FAF1: variants seen among roughly 807,000 people sequenced by gnomAD.
FAF1 encodes the protein FAS-associated factor 1.
In FAF1, 25 loss-of-function variants were observed where a neutral mutation model predicts 92.5. That is an observed-to-expected ratio of 0.27 (90% CI 0.20 to 0.38). The LOEUF (loss-of-function observed/expected upper bound fraction) is 0.38, where lower values mean the gene tolerates loss of function less well. FAF1 is among the 10% of genes least tolerant of loss of function. The probability of loss-of-function intolerance (pLI) is 1.00; values close to 1 mark genes in which losing one functional copy is unlikely to be tolerated. For missense variants in FAF1, 636 were observed against 793.3 expected (o/e 0.80, Z 2.38); for synonymous variants, 234 against 273.2 (o/e 0.86, Z 1.42).
chr1:50,896,420 C>T (rs959260797), intron 1 of FAF1, among the ~76,000 whole-genome samples: 1 of 152,022 alleles, frequency 6.6e-6, no homozygotes, highest in Non-Finnish European at 1.5e-5. Flanking sequence ...AATACATACA[C>T]CTATGTTTTT....
chr1:50,587,116 A>G (rs1651274423), intron 9 of FAF1, among the ~76,000 whole-genome samples: 1 of 152,206 alleles, frequency 6.6e-6, no homozygotes, highest in African/African-American at 2.4e-5. Flanking sequence ...ACTTCTTTCT[A>G]TACTTACCCC....
At position 50,490,541 on chromosome 1, in the gene FAF1, A is replaced by AAATACAGTGGG. The variant is rs67057333; in HGVS notation, c.1653+46_1653+47insCCCACTGTATT. 2 of 1,099,800 alleles carry AAATACAGTGGG rather than the reference A, an allele frequency of 1.8e-6. 1 individual carries two copies. 68.1% of individuals were successfully genotyped at this position (1,099,800 alleles called of 1,614,324 possible). A position where few individuals can be genotyped will look rare whatever the true frequency, so the allele number is the denominator to read the frequency against. ...AAGGTAGGTTAACAGCTTCAGTATC[A>AAATACAGTGGG]AATACAACCCAGCTTTTGAATAACT... On this transcript the variant is annotated intron_variant, in intron 17 of 18. Coordinates refer to ENST00000396153, the MANE Select transcript of FAF1 (RefSeq NM_007051.3).
chr1:50,627,224 T>C (rs751072047), intron 8 of FAF1, among the ~76,000 whole-genome samples: 1 of 152,106 alleles, frequency 6.6e-6, no homozygotes, highest in African/African-American at 2.4e-5. Flanking sequence ...AGGAAGAAGA[T>C]ACTAAGTGAG....
chr1:50,581,437 C>CT (rs1387874987), intron 12 of FAF1, among the ~76,000 whole-genome samples: 2 of 152,188 alleles, frequency 1.3e-5, no homozygotes. Context: ...CAGCTTTCCC[C>CT]TCTACTCCAT....
intron 5 of FAF1, among the ~76,000 whole-genome samples, chr1:50,739,263 T>A (rs953068025): frequency 1.3e-5 from 2 of 152,116 alleles, no homozygotes; most frequent in African/African-American, 2.4e-5. Flanking sequence ...TATATGTGCA[T>A]GTGTACATGT....
At chr1:50,666,850 A>G (rs1391475103) in intron 7 of FAF1, among the ~76,000 whole-genome samples, 1 of 152,184 alleles carries the variant, frequency 6.6e-6, no homozygotes, top group African/African-American at 2.4e-5. Context: ...ACCACACTGC[A>G]CTACAGTCTG....
At chr1:50,605,118 G>T (rs895886936) in intron 8 of FAF1, among the ~76,000 whole-genome samples, 2 of 151,764 alleles carry the variant, frequency 1.3e-5, no homozygotes, top group South Asian at 2.1e-4. Flanking sequence ...AATATAAAAG[G>T]TTTTTTTGTT....
rs141990488 is a variant in FAF1 at position 50,582,183 on chromosome 1, A to G, written c.1113+435T>C. Among the ~76,000 whole-genome samples the G allele has an allele frequency of 2.0e-5, 3 of 152,284 alleles. No homozygotes were observed. In the East Asian group the frequency reaches 5.8e-4, roughly 29 times the overall value. On this transcript the variant is annotated intron_variant, in intron 12 of 18. Transcript: ENST00000396153. ...AGAACTAGTCATTTGCGTAACTGAA[A>G]AGAATACAAATATGTAGCTTGGTCC...
At chr1:50,675,092 T>C (rs952858046) in intron 7 of FAF1, among the ~76,000 whole-genome samples, 3 of 152,182 alleles carry the variant, frequency 2.0e-5, no homozygotes, top group Non-Finnish European at 2.9e-5. Flanking sequence ...GGTTTCGCCA[T>C]GTTGGCCAGG....
At chr1:50,646,905 G>A (rs1654617484) in intron 8 of FAF1, among the ~76,000 whole-genome samples, 1 of 152,168 alleles carries the variant, frequency 6.6e-6, no homozygotes, top group African/African-American at 2.4e-5. Context: ...GAGTACAGTG[G>A]CATGCTCTTG....
intron 6 of FAF1, among the ~76,000 whole-genome samples, chr1:50,724,274 T>TATAC (rs1658535745): frequency 8.8e-6 from 1 of 113,308 alleles, no homozygotes; most frequent in African/African-American, 4.0e-5. Context: ...TATATATACA[T>TATAC]ATACACACAC....
At chr1:50,736,193 T>A (rs544977480) in intron 6 of FAF1, among the ~76,000 whole-genome samples, 2 of 152,350 alleles carry the variant, frequency 1.3e-5, no homozygotes, top group African/African-American at 4.8e-5. Context: ...ATTACACAGT[T>A]GTTATATTCA....
intron 18 of FAF1, among the ~76,000 whole-genome samples, chr1:50,442,232 C>G (rs530509326): frequency 6.6e-6 from 1 of 152,166 alleles, no homozygotes; most frequent in African/African-American, 2.4e-5. Context: ...ACATGAAGGT[C>G]TTCTGAATCT....
intron 1 of FAF1, among the ~76,000 whole-genome samples, chr1:50,869,576 C>A (rs1644510245): frequency 6.6e-6 from 1 of 152,122 alleles, no homozygotes; most frequent in South Asian, 2.1e-4. Context: ...TCTTTCAGAG[C>A]TCCTACTTGC....
intron 6 of FAF1, among the ~76,000 whole-genome samples, chr1:50,708,297 C>A (rs1363938079): frequency 4.6e-5 from 7 of 152,076 alleles, no homozygotes; most frequent in Admixed American, 1.3e-4. Flanking sequence ...GAAAAACTGT[C>A]AAGTTCAGAA....
chr1:50,832,396 C>T (rs995761469), intron 2 of FAF1, among the ~76,000 whole-genome samples: 10 of 152,120 alleles, frequency 6.6e-5, no homozygotes, highest in African/African-American at 2.4e-4. Flanking sequence ...TCAGCACTTC[C>T]CAGACTTAGT....
intron 15 of FAF1, among the ~76,000 whole-genome samples, chr1:50,497,751 T>TC (rs1030563136): frequency 6.6e-6 from 1 of 151,896 alleles, no homozygotes; most frequent in African/African-American, 2.4e-5. Context: ...GGTTTCACCA[T>TC]CTTGGCCAGG....
At chr1:50,830,094 GCTT>G (rs1644138793) in intron 2 of FAF1, among the ~76,000 whole-genome samples, 1 of 152,054 alleles carries the variant, frequency 6.6e-6, no homozygotes, top group Admixed American at 6.6e-5. Context: ...TATCATTCTT[GCTT>G]CTTTTTGTTT....
At chr1:50,534,799 T>C (rs1000529104) in intron 15 of FAF1, among the ~76,000 whole-genome samples, 2 of 152,212 alleles carry the variant, frequency 1.3e-5, no homozygotes, top group Non-Finnish European at 2.9e-5. Flanking sequence ...TTGTCATCGA[T>C]AATGTTTTTA....
Sources: allele counts gnomAD v4.1 joint callset (sites outside exome capture counted in the v4.1 genomes callset), GRCh38; gene constraint gnomAD v4.1.1; transcripts MANE v1.5; gene names NCBI Gene and HGNC (gene_info 2026-07-23, HGNC 2026-07-21).